The following XPNPEP2 variants were observed in gnomAD, a reference collection of about 807,000 sequenced individuals.
XPNPEP2 encodes X-prolyl aminopeptidase 2, also known as xaa-Pro aminopeptidase 2.
Under a neutral mutation model 59.8 loss-of-function variants are expected in XPNPEP2, and 64 were observed. The observed-to-expected ratio is 1.07, with a 90% CI of 0.87 to 1.32. The LOEUF (loss-of-function observed/expected upper bound fraction) is 1.32. XPNPEP2 is among the 40% of genes most tolerant of loss of function. The pLI is 0.00. For synonymous variants in XPNPEP2, 235 were observed against 210.0 expected (o/e 1.12, Z -1.03); for missense variants, 575 against 546.8 (o/e 1.05, Z -0.51).
At chrX:129,766,535 G>T (rs1431978842) in intron 19 of XPNPEP2, among the ~76,000 whole-genome samples, 6 of 109,842 alleles carry the variant, frequency 5.5e-5, no homozygotes, top group African/African-American at 1.7e-4. Flanking sequence ...TAGAGACAGG[G>T]TCTCACTCTG....
intron 18 of XPNPEP2, 77 bp downstream of exon 18, chrX:129,762,142 C>T (rs1926668587): frequency 2.8e-6 from 3 of 1,070,837 alleles, no homozygotes; most frequent in Non-Finnish European, 3.9e-6. Context: ...CTAGAGTGTA[C>T]CAGACTTCAG....
rs1360982949 is a variant in XPNPEP2 at position 129,749,456 on chromosome X, A to G, written c.638-1012A>G. ...ATGTGTAAAATATGTAGTAAAATAA[A>G]CCTACAAAAATGTATTGTACCCAAA... On this transcript the variant is annotated intron_variant, in intron 7 of 20. Coordinates refer to ENST00000371106, the MANE Select transcript of XPNPEP2 (RefSeq NM_003399.6). 3.5e-5 allele frequency among the ~76,000 whole-genome samples: 4 copies of G among 112,882 alleles called. No homozygotes were observed. In the East Asian group the frequency reaches 1.1e-3, roughly 31 times the overall value.
rs375244353 is a variant in XPNPEP2, at chrX:129,757,909, A to G, written c.1368-1271A>G. Among the ~76,000 whole-genome samples the G allele has an allele frequency of 4.3e-3, 256 of 60,038 alleles. 1 individual carries two copies. The highest frequency in any genetic ancestry group is 9.9e-3 in the African/African-American group (182 of 18,367). 52.1% of individuals were successfully genotyped at this position (60,038 alleles called of 115,157 possible). On this transcript the variant is annotated intron_variant, in intron 14 of 20. Coordinates refer to ENST00000371106, the MANE Select transcript of XPNPEP2 (RefSeq NM_003399.6). The stretch of plus-strand genomic sequence containing the variant: ...AGAGAGAGAGAGAAAGAAAGAAAGA[A>G]AGAAAGAAAGAAAGAAAGAAAGAAA...
At chrX:129,757,896 A>AG (rs1491365736) in intron 14 of XPNPEP2, among the ~76,000 whole-genome samples, 20 of 13,885 alleles carry the variant, frequency 1.4e-3, no homozygotes, top group African/African-American at 4.2e-3. Flanking sequence ...AGAGAGAGAG[A>AG]AAGAAAGAAA....
At chrX:129,752,455 G>T in intron 10 of XPNPEP2, 110 bp downstream of exon 10, 1 of 841,577 alleles carries the variant, frequency 1.2e-6, no homozygotes, top group Non-Finnish European at 1.7e-6. Flanking sequence ...CATCTGGTCA[G>T]CCAACAACTG....
In XPNPEP2 at chrX:129,767,686, C is replaced by G. The variant is rs41304538; in HGVS notation, c.1824C>G (p.Pro608=). ...TCATCGATGTCAGCCTGCTGTCTCC[C>G]GAGCATGTGAGTGCCCCTCAGCATT... ...RNLIDVSLLS[P]EHLQYLNRYY... is the part of the protein sequence containing the mutation. Residue 608 remains proline, a synonymous_variant, in exon 20 of 21, where the codon CCC becomes CCG. Transcript: ENST00000371106. The G allele has an allele frequency of 0.02, 24,720 of 1,209,409 alleles. 205 individuals carry two copies. Among genetic ancestry groups the G allele is most frequent in the Non-Finnish European group, 0.023 (20,606 of 894,830 alleles).
At chrX:129,742,524 A>G in intron 2 of XPNPEP2, among the ~76,000 whole-genome samples, 1 of 110,107 alleles carries the variant, frequency 9.1e-6, no homozygotes, top group Admixed American at 9.6e-5. Flanking sequence ...GGCTGAGGCC[A>G]GGCAGAGGAA....
At chrX:129,742,366 T>TC (rs1926208402) in intron 2 of XPNPEP2, among the ~76,000 whole-genome samples, 185 bp downstream of exon 2, 1 of 102,117 alleles carries the variant, frequency 9.8e-6, no homozygotes, top group Admixed American at 1.0e-4. Context: ...CTTGGGCCCC[T>TC]CCCCCCTCCA....
At chrX:129,750,380 A>G in intron 7 of XPNPEP2, 88 bp from the exon 8 acceptor site, 1 of 715,770 alleles carries the variant, frequency 1.4e-6, no homozygotes, top group East Asian at 3.6e-5. Context: ...AGGATGCAAA[A>G]CTGTTACCCT....
At chrX:129,745,775 C>T (rs1926283669) in intron 4 of XPNPEP2, among the ~76,000 whole-genome samples, 1 of 111,845 alleles carries the variant, frequency 8.9e-6, no homozygotes, top group African/African-American at 3.3e-5. Flanking sequence ...TCCAAGCTTC[C>T]TTTCCTGATC....
At chrX:129,746,555 C>A in intron 5 of XPNPEP2, 40 bp from the exon 6 acceptor site, 1 of 1,174,477 alleles carries the variant, frequency 8.5e-7, no homozygotes, top group Non-Finnish European at 1.2e-6. Context: ...GGGGCTGGCC[C>A]TGAAGGTGAC....
rs766601099 is a variant in XPNPEP2, at chrX:129,761,250, T to C, written c.1577T>C (p.Ile526Thr). 3.3e-6 allele frequency: 4 copies of C among 1,211,981 alleles called. No homozygotes were observed. The South Asian group carries it at 5.3e-5, about 16-fold the overall frequency. The change falls in exon 17 of 21, where the codon ATT (isoleucine) becomes ACT (threonine). Residue 526 changes from isoleucine (I) to threonine (T), a missense_variant. By Grantham distance (89) the Ile-to-Thr change is moderately conservative (BLOSUM62 -1). Coordinates refer to ENST00000371106, the MANE Select transcript of XPNPEP2 (RefSeq NM_003399.6). ...TATGGTCATGGGACAGGCCACGGCA[T>C]TGGCAACTTCCTGTGTGTGCATGAG... ...LNYGHGTGHGIGNFLCVHEWP... is the reference protein window; with the variant it reads ...LNYGHGTGHGTGNFLCVHEWP...
At chrX:129,755,195 A>T in intron 12 of XPNPEP2, 99 bp from the exon 13 acceptor site, 1 of 817,898 alleles carries the variant, frequency 1.2e-6, no homozygotes, top group South Asian at 2.2e-5. Context: ...GTTGAGAGGT[A>T]GAGGCAGCCA....
At chrX:129,752,399 G>C (rs1926438553) in intron 10 of XPNPEP2, 54 bp downstream of exon 10, 3 of 1,156,809 alleles carry the variant, frequency 2.6e-6, no homozygotes, top group Admixed American at 2.3e-5. Context: ...CTCTAGGCCT[G>C]AGAAGTCTTA....
In XPNPEP2 at chrX:129,752,006, C is replaced by T. The variant is rs1602902904; in HGVS notation, c.822-144C>T. 4 of 808,255 alleles carry T rather than the reference C, an allele frequency of 4.9e-6. No individual in the cohort carries two copies. In the East Asian group the frequency reaches 9.5e-5, roughly 19 times the overall value. 66.6% of individuals were successfully genotyped at this position (808,255 alleles called of 1,213,427 possible). On this transcript the variant is annotated intron_variant, in intron 9 of 20. Coordinates refer to ENST00000371106, the MANE Select transcript of XPNPEP2 (RefSeq NM_003399.6). ...TTTCCTGACTCTTTAAACCTCTGTC[C>T]CTATTGAATCCCAAATCTGGCCTGC...
rs779253016 is a variant in XPNPEP2 at position 129,768,413 on chromosome X, G to T, written c.1953G>T (p.Arg651Ser). 2 of 1,208,770 alleles carry T rather than the reference G, an allele frequency of 1.7e-6. No individual in the cohort carries two copies. Among genetic ancestry groups the T allele is most frequent in the East Asian group, 5.9e-5 (2 of 33,701 alleles). Residue 651 changes from arginine to serine, a missense_variant, in exon 21 of 21, where the codon AGG (arginine) becomes AGT (serine). Coordinates refer to ENST00000371106, the MANE Select transcript of XPNPEP2 (RefSeq NM_003399.6). Reference protein sequence around the residue: ...LQQHTEPLAARAPDTASWASV... With the variant: ...LQQHTEPLAASAPDTASWASV... ...AGCACACAGAGCCCCTGGCCGCCAG[G>T]GCCCCAGACACCGCCTCCTGGGCCT...
At chrX:129,757,207 A>T (rs1359412435) in intron 14 of XPNPEP2, among the ~76,000 whole-genome samples, 1 of 106,851 alleles carries the variant, frequency 9.4e-6, no homozygotes, top group African/African-American at 3.4e-5. Flanking sequence ...TGCTGGGATT[A>T]CAGACATGAG....
intron 6 of XPNPEP2, 75 bp from the exon 7 acceptor site, chrX:129,747,532 A>G: frequency 8.5e-7 from 1 of 1,176,856 alleles, no homozygotes; most frequent in Non-Finnish European, 1.1e-6. Flanking sequence ...AACCAGGACT[A>G]ACTTTGCCTG....
intron 19 of XPNPEP2, among the ~76,000 whole-genome samples, chrX:129,763,674 A>G (rs185896944): frequency 8.0e-4 from 89 of 111,450 alleles, no homozygotes; most frequent in Non-Finnish European, 1.4e-3. Context: ...CCCAATCTAA[A>G]AAAAAAGCAA....
Sources: allele counts gnomAD v4.1 joint callset (sites outside exome capture counted in the v4.1 genomes callset), GRCh38; gene constraint gnomAD v4.1.1; transcripts MANE v1.5; gene names NCBI Gene and HGNC (gene_info 2026-07-23, HGNC 2026-07-21).